Variants in TAF8 observed in about 807,000 individuals in gnomAD.
TAF8 encodes the protein transcription initiation factor TFIID subunit 8.
TAF8 carries 47 observed loss-of-function variants against 36.5 expected under a neutral mutation model. The observed-to-expected ratio is 1.29, with a 90% CI of 1.02 to 1.64. The LOEUF is 1.64. Ranked by LOEUF, TAF8 falls within the 40% of genes most tolerant of loss-of-function variation. TAF8 has a pLI of 0.00. For synonymous variants in TAF8, 175 were observed against 159.5 expected (o/e 1.10, Z -0.73); for missense variants, 420 against 407.6 (o/e 1.03, Z -0.26).
chr6:42,050,815 C>T, intron 1 of TAF8: 1 of 946,754 alleles, frequency 1.1e-6, no homozygotes, highest in Non-Finnish European at 1.4e-6. Context: ...GTTGGGAGCC[C>T]GGAACACCCC....
chr6:42,071,749 T>C (rs9349215), intron 7 of TAF8, among the ~76,000 whole-genome samples: 56,495 of 151,930 alleles, frequency 0.37, 11,254 homozygotes, highest in East Asian at 0.63. Context: ...GGCTGAGATA[T>C]GGTGATTGGG....
chr6:42,067,258 A>G (rs1014324975), intron 6 of TAF8, among the ~76,000 whole-genome samples: 1 of 152,192 alleles, frequency 6.6e-6, no homozygotes, highest in African/African-American at 2.4e-5. Context: ...TTGCTTTGTC[A>G]TCCAGCCTGG....
chr6:42,080,998 A>T lies in TAF8; in HGVS notation c.*3453A>T, dbSNP rs1456464606. 4 of 984,098 alleles carry T rather than the reference A, an allele frequency of 4.1e-6. No homozygotes were observed. In the East Asian group the frequency reaches 4.5e-4, roughly 111 times the overall value. 61.0% of individuals were successfully genotyped at this position (984,098 alleles called of 1,614,324 possible). A position where few individuals can be genotyped will look rare whatever the true frequency, so the allele number is the denominator to read the frequency against. On this transcript the variant is annotated 3_prime_UTR_variant, in exon 9 of 9. Transcript: ENST00000372977. ...TTAGCCCTTGTGTTGGCCTAAGCAC[A>T]CCTGGGAACTTAGTAAAACTTTTAT...
rs775788412 is a variant in TAF8 at position 42,081,014 on chromosome 6, A to AT, written c.*3469_*3470insT. On this transcript the variant is annotated 3_prime_UTR_variant, in exon 9 of 9. Coordinates refer to ENST00000372977, the MANE Select transcript of TAF8 (RefSeq NM_138572.3). Reference sequence around the variant, plus strand: ...CCTAAGCACACCTGGGAACTTAGTAAAACTTTTATTTTGGAAATTTTCAAA... The same window carrying AT: ...CCTAAGCACACCTGGGAACTTAGTAATAACTTTTATTTTGGAAATTTTCAAA... The AT allele has an allele frequency of 9.2e-5, 90 of 980,160 alleles. No individual in the cohort carries two copies. Among genetic ancestry groups the AT allele is most frequent in the Non-Finnish European group, 9.8e-5 (81 of 825,268 alleles). 60.7% of individuals were successfully genotyped at this position (980,160 alleles called of 1,614,324 possible). A position where few individuals can be genotyped will look rare whatever the true frequency, so the allele number is the denominator to read the frequency against.
chr6:42,062,302 A>G (rs991473592), intron 5 of TAF8, among the ~76,000 whole-genome samples: 2 of 151,994 alleles, frequency 1.3e-5, no homozygotes, highest in East Asian at 1.9e-4. Flanking sequence ...CAGTAGGTCA[A>G]TTTTCTAAGA....
intron 5 of TAF8, among the ~76,000 whole-genome samples, chr6:42,058,949 G>A (rs575878099): frequency 6.6e-6 from 1 of 152,096 alleles, no homozygotes; most frequent in African/African-American, 2.4e-5. Flanking sequence ...TGTGTGGTTG[G>A]GGGGCAGAGG....
At chr6:42,086,896 G>C, downstream of TAF8, 2 of 832,902 alleles carry the variant, frequency 2.4e-6, no homozygotes, top group South Asian at 1.5e-5. Flanking sequence ...AAGCTTGTCA[G>C]ATCGCCCAGG....
chr6:42,086,665 C>T (rs1766033378), downstream of TAF8: 2 of 1,545,564 alleles, frequency 1.3e-6, no homozygotes, highest in African/African-American at 1.4e-5. Flanking sequence ...CCACCCTCTC[C>T]TGACAATCCA....
intron 7 of TAF8, chr6:42,071,487 G>A (rs528431206): frequency 2.5e-4 from 41 of 163,212 alleles, no homozygotes; most frequent in South Asian, 1.5e-3. Context: ...CACCACGCCC[G>A]GCTAATTTTT....
At chr6:42,085,777 G>T (rs1400515258), downstream of TAF8, among the ~76,000 whole-genome samples, 2 of 152,210 alleles carry the variant, frequency 1.3e-5, no homozygotes, top group Non-Finnish European at 2.9e-5. Context: ...TTGAGGTCAG[G>T]AGTTCAAGAC....
In TAF8 at chr6:42,079,342, A is replaced by G. The variant is rs986268292; in HGVS notation, c.*1797A>G. On this transcript the variant is annotated 3_prime_UTR_variant, in exon 9 of 9. Coordinates refer to ENST00000372977, the MANE Select transcript of TAF8 (RefSeq NM_138572.3). ...TGTATCCTGTGGGGAGAACAACTTC[A>G]TTCTTAACATACCCTACAAACCAGA... is the stretch of plus-strand genomic sequence containing the variant. The G allele has an allele frequency of 1.0e-6, 1 of 985,324 alleles. No homozygotes were observed. The highest frequency in any genetic ancestry group is 1.7e-5 in the African/African-American group (1 of 57,226). 61.0% of individuals were successfully genotyped at this position (985,324 alleles called of 1,614,324 possible).
At chr6:42,086,722 A>G (rs1466529349), downstream of TAF8, 3 of 1,551,262 alleles carry the variant, frequency 1.9e-6, no homozygotes, top group South Asian at 3.6e-5. Context: ...TCCTCAGGCC[A>G]GATACATTCT....
chr6:42,053,596 A>G (rs1443935234), intron 2 of TAF8, among the ~76,000 whole-genome samples: 1 of 152,024 alleles, frequency 6.6e-6, no homozygotes, highest in African/African-American at 2.4e-5. Context: ...AAAGAAGAAG[A>G]AATTTTGAAA....
At chr6:42,076,137 G>A (rs1280524012) in intron 7 of TAF8, among the ~76,000 whole-genome samples, 8 of 151,862 alleles carry the variant, frequency 5.3e-5, no homozygotes, top group African/African-American at 1.9e-4. Flanking sequence ...GAACCCAGAG[G>A]CGGAGCTTGC....
intron 4 of TAF8, 95 bp downstream of exon 4, chr6:42,056,109 T>G: frequency 1.6e-5 from 13 of 792,964 alleles, no homozygotes; most frequent in Non-Finnish European, 2.7e-5. Context: ...TAGTAGCTAC[T>G]TCCTTGTTGT....
chr6:42,076,076 C>T (rs1039066197), intron 7 of TAF8, among the ~76,000 whole-genome samples: 28 of 152,070 alleles, frequency 1.8e-4, no homozygotes, highest in Admixed American at 5.9e-4. Context: ...GATGTGGTGG[C>T]AGGCACCTGT....
In TAF8 at chr6:42,078,990, C is replaced by T. The variant is rs1765843721; in HGVS notation, c.*1445C>T. ...TACAAAAATTAGCCGGGTGTGGTTA[C>T]TCATGCCTGTAATCCCAGCTACTCG... On this transcript the variant is annotated 3_prime_UTR_variant, in exon 9 of 9. Transcript: ENST00000372977. The T allele has an allele frequency of 1.8e-6, 1 of 543,314 alleles. No homozygotes were observed. Among genetic ancestry groups the T allele is most frequent in the South Asian group, 8.0e-5 (1 of 12,508 alleles). The allele number at this position is 543,314 out of a possible 1,614,324, so 33.7% of individuals were successfully genotyped here.
At chr6:42,076,682 C>G (rs1013688217) in intron 7 of TAF8, among the ~76,000 whole-genome samples, 2 of 152,140 alleles carry the variant, frequency 1.3e-5, no homozygotes, top group African/African-American at 4.8e-5. Context: ...CCAGGAGATG[C>G]GCTATGCAGA....
chr6:42,055,611 G>A lies in TAF8; in HGVS notation c.283G>A (p.Val95Ile). The change falls in exon 3 of 9, where the codon GTC becomes ATC. Residue 95 changes from valine (V) to isoleucine (I), a missense_variant. Physicochemically the swap from Val to Ile is conservative, Grantham distance 29. Transcript: ENST00000372977. ...RTQPTLSDIV[V>I]TLVEMGFNVD... ...CCAGCCCACACTGTCCGATATCGTG[G>A]TCACACTTGTTGAGATGGGTGAGTA... The A allele has an allele frequency of 6.2e-7, 1 of 1,614,134 alleles. No individual in the cohort carries two copies. The highest frequency in any genetic ancestry group is 1.7e-5 in the Admixed American group (1 of 60,022).
Sources: allele counts gnomAD v4.1 joint callset (sites outside exome capture counted in the v4.1 genomes callset), GRCh38; gene constraint gnomAD v4.1.1; transcripts MANE v1.5; gene names NCBI Gene and HGNC (gene_info 2026-07-23, HGNC 2026-07-21).